SNCAIP: variants seen among roughly 807,000 people sequenced by gnomAD.
The protein encoded by SNCAIP is synphilin-1.
A neutral mutation model predicts 86.7 loss-of-function variants in SNCAIP; 43 were observed. The observed-to-expected ratio is 0.50, with a 90% CI of 0.39 to 0.64. The LOEUF (loss-of-function observed/expected upper bound fraction) is 0.64. Among genes scored for constraint, SNCAIP ranks in the 30% least tolerant of loss-of-function variants. SNCAIP has a pLI of 0.00. For missense variants in SNCAIP, 981 were observed against 1,103.1 expected (o/e 0.89, Z 1.57); for synonymous variants, 417 against 427.2 (o/e 0.98, Z 0.29).
rs149286148 is a variant in SNCAIP at position 122,342,038 on chromosome 5, C to T, written c.-47+29754C>T. On this transcript the variant is annotated intron_variant, in intron 1 of 10. Coordinates refer to ENST00000261368, the MANE Select transcript of SNCAIP (RefSeq NM_005460.4). ...CCCCTCTAAGAGGGTGGAACTAACA[C>T]TTCTGTGAATGATGACACACAAGGA... is the stretch of plus-strand genomic sequence containing the variant. 3.3e-5 allele frequency among the ~76,000 whole-genome samples: 5 copies of T among 152,288 alleles called. No homozygotes were observed. The East Asian group carries it at 7.7e-4, about 23-fold the overall frequency.
intron 1 of SNCAIP, among the ~76,000 whole-genome samples, chr5:122,370,236 A>G (rs903557188): frequency 6.6e-6 from 1 of 152,044 alleles, no homozygotes; most frequent in Non-Finnish European, 1.5e-5. Flanking sequence ...AAAAAATAGT[A>G]TGGCCCACAT....
At chr5:122,386,378 T>G (rs943290441) in intron 1 of SNCAIP, among the ~76,000 whole-genome samples, 5 of 152,208 alleles carry the variant, frequency 3.3e-5, no homozygotes, top group African/African-American at 9.6e-5. Context: ...GGGCCATCAC[T>G]GAGGTCACTC....
chr5:122,347,745 A>C (rs1758901116), intron 1 of SNCAIP, among the ~76,000 whole-genome samples: 1 of 152,072 alleles, frequency 6.6e-6, no homozygotes, highest in Admixed American at 6.6e-5. Context: ...TTATTCAAAC[A>C]GTTCTGTTTG....
At position 122,463,537 on chromosome 5, in the gene SNCAIP, C is replaced by T. The variant is rs1287571407; in HGVS notation, c.*41C>T. The T allele has an allele frequency of 1.2e-6, 2 of 1,608,358 alleles. No individual in the cohort carries two copies. Among genetic ancestry groups the T allele is most frequent in the Non-Finnish European group, 8.5e-7 (1 of 1,175,838 alleles). Reference sequence around the variant, plus strand: ...AATGAAGAAATCCTACAGCATAAAGCACATTGCTGAGCCAGAGTCAAAAGA... The same window carrying T: ...AATGAAGAAATCCTACAGCATAAAGTACATTGCTGAGCCAGAGTCAAAAGA... On this transcript the variant is annotated 3_prime_UTR_variant, in exon 11 of 11. Transcript: ENST00000261368.
At chr5:122,411,686 T>C (rs1043497161) in intron 3 of SNCAIP, among the ~76,000 whole-genome samples, 3 of 152,140 alleles carry the variant, frequency 2.0e-5, no homozygotes, top group Admixed American at 6.5e-5. Flanking sequence ...CAAATGGCCC[T>C]TGCATCTCAC....
At chr5:122,408,013 C>T (rs1336004731) in intron 3 of SNCAIP, among the ~76,000 whole-genome samples, 1 of 152,192 alleles carries the variant, frequency 6.6e-6, no homozygotes, top group Non-Finnish European at 1.5e-5. Context: ...TCCCTCCTGG[C>T]CAAGAGTGCC....
intron 1 of SNCAIP, among the ~76,000 whole-genome samples, chr5:122,360,867 T>C (rs1313817504): frequency 6.6e-6 from 1 of 152,010 alleles, no homozygotes; most frequent in Non-Finnish European, 1.5e-5. Flanking sequence ...TAATTATATA[T>C]ACCAGAGGTC....
At chr5:122,342,619 A>G (rs1757809482) in intron 1 of SNCAIP, among the ~76,000 whole-genome samples, 1 of 152,186 alleles carries the variant, frequency 6.6e-6, no homozygotes, top group Admixed American at 6.5e-5. Flanking sequence ...TTTACAGATG[A>G]AGAAACAGGC....
intron 6 of SNCAIP, 193 bp from the exon 7 acceptor site, chr5:122,440,436 A>G (rs948936312): frequency 5.0e-6 from 3 of 599,100 alleles, no homozygotes; most frequent in African/African-American, 3.7e-5. Flanking sequence ...AAAATTCTCT[A>G]TGCCGTCCTC....
At chr5:122,344,933 A>C (rs913022496) in intron 1 of SNCAIP, among the ~76,000 whole-genome samples, 3 of 152,236 alleles carry the variant, frequency 2.0e-5, no homozygotes, top group African/African-American at 7.2e-5. Flanking sequence ...AATAGAACAC[A>C]AAATTCTTAG....
intron 1 of SNCAIP, among the ~76,000 whole-genome samples, chr5:122,341,780 C>G (rs1247620791): frequency 6.6e-6 from 1 of 152,138 alleles, no homozygotes; most frequent in Non-Finnish European, 1.5e-5. Flanking sequence ...AAATCCACCC[C>G]TAGTACCCTG....
intron 10 of SNCAIP, among the ~76,000 whole-genome samples, chr5:122,455,967 G>A (rs1432674945): frequency 6.6e-6 from 1 of 152,140 alleles, no homozygotes; most frequent in African/African-American, 2.4e-5. Context: ...GTAACTCCAA[G>A]GAAATGTTTG....
chr5:122,346,262 A>G (rs114010200), intron 1 of SNCAIP, among the ~76,000 whole-genome samples: 1,663 of 152,266 alleles, frequency 0.011, 25 homozygotes, highest in African/African-American at 0.039. Flanking sequence ...AGTGTTAGCA[A>G]TTGAAATAAA....
chr5:122,372,083 C>A (rs1182015010), intron 1 of SNCAIP, among the ~76,000 whole-genome samples: 2 of 152,152 alleles, frequency 1.3e-5, no homozygotes, highest in Admixed American at 1.3e-4. Context: ...GCTTTCCCAT[C>A]TGCTTCCACA....
intron 6 of SNCAIP, among the ~76,000 whole-genome samples, chr5:122,432,597 C>G (rs1478383720): frequency 6.6e-6 from 1 of 151,812 alleles, no homozygotes; most frequent in Non-Finnish European, 1.5e-5. Context: ...TTCTTGAACC[C>G]AAAGTTAAAA....
At chr5:122,359,584 C>T (rs971192154) in intron 1 of SNCAIP, among the ~76,000 whole-genome samples, 2 of 151,798 alleles carry the variant, frequency 1.3e-5, no homozygotes, top group Non-Finnish European at 2.9e-5. Flanking sequence ...AGGCTGGTCT[C>T]GAACTCCTGA....
At chr5:122,365,688 A>T (rs1277848959) in intron 1 of SNCAIP, among the ~76,000 whole-genome samples, 1 of 152,192 alleles carries the variant, frequency 6.6e-6, no homozygotes, top group Non-Finnish European at 1.5e-5. Context: ...CCATAAAAAA[A>T]AAGAAAAAGA....
At chr5:122,456,409 G>T (rs1784777030) in intron 10 of SNCAIP, among the ~76,000 whole-genome samples, 1 of 152,126 alleles carries the variant, frequency 6.6e-6, no homozygotes, top group African/African-American at 2.4e-5. Context: ...GTGCCCATTA[G>T]AGAGTCAGAG....
intron 1 of SNCAIP, among the ~76,000 whole-genome samples, chr5:122,367,643 C>T (rs1763445056): frequency 6.6e-6 from 1 of 152,104 alleles, no homozygotes; most frequent in Non-Finnish European, 1.5e-5. Context: ...TGCCAAGGAA[C>T]TGCACTTATG....
Sources: gnomAD v4.1 joint callset for allele counts (sites outside exome capture counted in the v4.1 genomes callset) on GRCh38, gnomAD v4.1.1 for gene constraint, MANE v1.5 for transcripts, NCBI Gene and HGNC (gene_info 2026-07-23, HGNC 2026-07-21) for gene names.